Variants in NAV2 observed in about 807,000 individuals in gnomAD.
NAV2 encodes neuron navigator 2.
NAV2 carries 54 observed loss-of-function variants against 223.2 expected under a neutral mutation model. The ratio of observed to expected loss-of-function variants is 0.24; its 90% CI spans 0.19 to 0.30. NAV2 has a LOEUF of 0.30. NAV2 is among the 10% of genes least tolerant of loss of function. NAV2 has a pLI of 1.00. For missense variants in NAV2, 2,806 were observed against 3,147.5 expected (o/e 0.89, Z 2.60); for synonymous variants, 1,279 against 1,239.3 (o/e 1.03, Z -0.67).
intron 1 of NAV2, among the ~76,000 whole-genome samples, chr11:19,655,588 G>A (rs925593443): frequency 1.3e-5 from 2 of 152,196 alleles, no homozygotes; most frequent in African/African-American, 2.4e-5. Flanking sequence ...CATGTCCTTT[G>A]TAGGGACATG....
chr11:19,584,822 G>A (rs1372385874), intron 1 of NAV2, among the ~76,000 whole-genome samples: 1 of 152,208 alleles, frequency 6.6e-6, no homozygotes, highest in Non-Finnish European at 1.5e-5. Flanking sequence ...TTTGGAATAG[G>A]TGTGATGTGG....
intron 10 of NAV2, among the ~76,000 whole-genome samples, chr11:19,982,046 A>C (rs1030461187): frequency 6.6e-6 from 1 of 152,214 alleles, no homozygotes; most frequent in South Asian, 2.1e-4. Context: ...TACTAAGCTC[A>C]TGGGATATAG....
At position 19,939,651 on chromosome 11, in the gene NAV2, G is replaced by C. The variant is rs776439516; in HGVS notation, c.2034-10G>C. 1.9e-6 allele frequency: 3 copies of C among 1,611,916 alleles called. No homozygotes were observed. In the East Asian group the frequency reaches 6.7e-5, roughly 36 times the overall value. ...ATGACAAGTGTGTCTGCTTCGGTTT[G>C]TGTGTGAAGGTCTCAGACGGACACT... is the stretch of plus-strand genomic sequence containing the variant. On this transcript the variant is annotated splice_polypyrimidine_tract_variant and intron_variant, in intron 7 of 37. Transcript: ENST00000349880.
intron 10 of NAV2, among the ~76,000 whole-genome samples, chr11:19,967,952 A>G (rs982377489): frequency 3.5e-4 from 54 of 152,222 alleles, no homozygotes; most frequent in East Asian, 1.9e-4. Context: ...CACCAAAGAC[A>G]TTTCTTCTGA....
intron 1 of NAV2, among the ~76,000 whole-genome samples, chr11:19,469,106 C>G (rs1460221121): frequency 6.6e-6 from 1 of 152,312 alleles, no homozygotes; most frequent in East Asian, 1.9e-4. Flanking sequence ...TCTGGCATTG[C>G]CCAAGTGGCA....
At chr11:19,733,762 G>A (rs58649626) in intron 1 of NAV2, among the ~76,000 whole-genome samples, 1 of 152,300 alleles carries the variant, frequency 6.6e-6, no homozygotes, top group East Asian at 1.9e-4. Flanking sequence ...TTCATATCAG[G>A]ACATGGAAAA....
rs1565315820 is a variant in NAV2 at position 19,787,268 on chromosome 11, A to AT, written c.268-45215dup. Among the ~76,000 whole-genome samples the AT allele has an allele frequency of 4.9e-3, 145 of 29,384 alleles. 1 individual carries two copies. Among genetic ancestry groups the AT allele is most frequent in the East Asian group, 8.6e-3 (2 of 232 alleles). 19.3% of individuals were successfully genotyped at this position (29,384 alleles called of 152,430 possible). ...AACATGCCTGGCTAATTTTTATTGG[A>AT]TCTTTTTTTTTTTTTTTTTTTTTTT... On this transcript the variant is annotated intron_variant, in intron 1 of 37. Transcript: ENST00000349880.
At chr11:19,809,559 A>G (rs188414959) in intron 1 of NAV2, among the ~76,000 whole-genome samples, 1 of 152,312 alleles carries the variant, frequency 6.6e-6, no homozygotes, top group East Asian at 1.9e-4. Context: ...ATGAACCCAC[A>G]CTGAAATATT....
chr11:19,970,532 C>A lies in NAV2; in HGVS notation c.2646-13593C>A, dbSNP rs1478246303. On this transcript the variant is annotated intron_variant, in intron 10 of 37. Transcript: ENST00000349880. ...CAAGAAACACTTGGTAGGTACCTAT[C>A]TCGAGAGTTGAAGGCACAGTTATAG... 4.6e-5 allele frequency among the ~76,000 whole-genome samples: 7 copies of A among 152,246 alleles called. No individual in the cohort carries two copies. In the East Asian group the frequency reaches 1.4e-3, roughly 29 times the overall value.
chr11:19,550,199 C>A (rs561555012), intron 1 of NAV2, among the ~76,000 whole-genome samples: 1 of 152,094 alleles, frequency 6.6e-6, no homozygotes, highest in Non-Finnish European at 1.5e-5. Flanking sequence ...TTTGACAAAA[C>A]AATATCTAAA....
intron 10 of NAV2, among the ~76,000 whole-genome samples, chr11:19,963,105 A>T (rs187939951): frequency 2.0e-5 from 3 of 152,234 alleles, no homozygotes; most frequent in African/African-American, 7.2e-5. Context: ...CTGCTAACCC[A>T]TGACTTTCTG....
At chr11:19,664,758 T>A (rs2048366677) in intron 1 of NAV2, among the ~76,000 whole-genome samples, 1 of 152,190 alleles carries the variant, frequency 6.6e-6, no homozygotes, top group Non-Finnish European at 1.5e-5. Context: ...AAGCCTTTGC[T>A]ATGGAGGAGA....
At chr11:19,724,312 A>G (rs1353330918) in intron 1 of NAV2, among the ~76,000 whole-genome samples, 1 of 152,190 alleles carries the variant, frequency 6.6e-6, no homozygotes. Context: ...AACCAGCCCT[A>G]TGCTATATAT....
At chr11:19,567,740 C>T (rs1678072187) in intron 1 of NAV2, among the ~76,000 whole-genome samples, 1 of 152,174 alleles carries the variant, frequency 6.6e-6, no homozygotes, top group Non-Finnish European at 1.5e-5. Flanking sequence ...TAGGTCTTTC[C>T]ATAGGCTATT....
At chr11:19,633,552 G>A (rs532986295) in intron 1 of NAV2, among the ~76,000 whole-genome samples, 4 of 152,388 alleles carry the variant, frequency 2.6e-5, no homozygotes, top group South Asian at 4.1e-4. Context: ...ACAGCCCAGT[G>A]TGTTTCCACA....
intron 11 of NAV2, among the ~76,000 whole-genome samples, chr11:20,012,026 C>T (rs1294593490): frequency 6.6e-6 from 1 of 152,200 alleles, no homozygotes; most frequent in Non-Finnish European, 1.5e-5. Context: ...GGAGCATAGT[C>T]TCGAGTATCT....
At chr11:19,637,443 G>A (rs1362116220) in intron 1 of NAV2, among the ~76,000 whole-genome samples, 1 of 152,190 alleles carries the variant, frequency 6.6e-6, no homozygotes, top group Non-Finnish European at 1.5e-5. Context: ...TCTTGCCAAT[G>A]TTGACACACA....
chr11:19,858,833 C>T (rs2061526035), intron 3 of NAV2, among the ~76,000 whole-genome samples: 2 of 152,196 alleles, frequency 1.3e-5, no homozygotes, highest in Admixed American at 6.5e-5. Flanking sequence ...TTTAACAAGT[C>T]TCAGAGTGTC....
At chr11:19,480,210 G>C (rs35376445) in intron 1 of NAV2, among the ~76,000 whole-genome samples, 4,237 of 152,222 alleles carry the variant, frequency 0.028, 86 homozygotes, top group South Asian at 0.042. Flanking sequence ...CCCTTAACCT[G>C]CTAATATGTA....
Sources: gnomAD v4.1 joint callset for allele counts (sites outside exome capture counted in the v4.1 genomes callset) on GRCh38, gnomAD v4.1.1 for gene constraint, MANE v1.5 for transcripts, NCBI Gene and HGNC (gene_info 2026-07-23, HGNC 2026-07-21) for gene names.